The following GKN1 variants were observed in gnomAD, a reference collection of about 807,000 sequenced individuals.
GKN1 encodes gastrokine-1.
A neutral mutation model predicts 19.7 loss-of-function variants in GKN1; 17 were observed. The observed-to-expected ratio is 0.86, with a 90% CI of 0.59 to 1.29. The LOEUF (loss-of-function observed/expected upper bound fraction) is 1.29. Ranked by LOEUF, GKN1 falls within the 50% of genes most tolerant of loss-of-function variation. GKN1 has a pLI of 0.00. For synonymous variants in GKN1, 96 were observed against 78.3 expected (o/e 1.23, Z -1.20); for missense variants, 218 against 224.5 (o/e 0.97, Z 0.19).
intron 3 of GKN1, among the ~76,000 whole-genome samples, chr2:68,978,470 A>G (rs1670310788): frequency 6.6e-6 from 1 of 152,170 alleles, no homozygotes; most frequent in Non-Finnish European, 1.5e-5. Context: ...ATACTTTTAA[A>G]TAGCAAACTC....
intron 5 of GKN1, 22 bp downstream of exon 5, chr2:68,980,082 C>A (rs748844825): frequency 6.2e-7 from 1 of 1,605,698 alleles, no homozygotes; most frequent in South Asian, 1.1e-5. Context: ...CCCTACTGTG[C>A]ACCCCAAGTT....
intron 5 of GKN1, 107 bp from the exon 6 acceptor site, chr2:68,980,622 T>A: frequency 1.5e-6 from 1 of 659,848 alleles, no homozygotes; most frequent in Non-Finnish European, 2.7e-6. Flanking sequence ...AGATAAACCT[T>A]GACATTAGCA....
Position 68,980,892 on chromosome 2 carries a change from T to C in GKN1, c.*69T>C. On this transcript the variant is annotated 3_prime_UTR_variant, in exon 6 of 6. Coordinates refer to ENST00000377938, the MANE Select transcript of GKN1 (RefSeq NM_019617.4). ...TGTGCAGAAAAAATATGGGCTCCAG[T>C]GGTTTTTACCATGTCATTCTGAAAT... 1.3e-6 allele frequency: 1 copy of C among 779,222 alleles called. No individual in the cohort carries two copies. Among genetic ancestry groups the C allele is most frequent in the South Asian group, 1.4e-5 (1 of 69,670 alleles). The allele number at this position is 779,222 out of a possible 1,614,324, so 48.3% of individuals were successfully genotyped here.
intron 3 of GKN1, among the ~76,000 whole-genome samples, chr2:68,978,297 A>AAGGAAG (rs757172989): frequency 3.1e-5 from 3 of 97,340 alleles, no homozygotes; most frequent in African/African-American, 1.2e-4. Context: ...AGAAAGAAAG[A>AAGGAAG]GAGAGAAAGA....
At chr2:68,974,738 T>C in intron 1 of GKN1, 49 bp downstream of exon 1, 2 of 1,167,882 alleles carry the variant, frequency 1.7e-6, no homozygotes. Flanking sequence ...TTGGAGACTG[T>C]CAATATTCTG....
rs749800360 is a variant in GKN1 at position 68,974,685 on chromosome 2, T to G, written c.8T>G (p.Phe3Cys). Residue 3 changes from phenylalanine to cysteine, a missense_variant, in exon 1 of 6, where the codon TTC (phenylalanine) becomes TGC (cysteine). Coordinates refer to ENST00000377938, the MANE Select transcript of GKN1 (RefSeq NM_019617.4). The stretch of plus-strand genomic sequence containing the variant: ...TGCTTTCGTGAAGACAAGATGAAGT[T>G]CACAGTGAGTAGATTTTTCCTTTTG... MK[F>C]TIVFAGLLGV... is the part of the protein sequence containing the mutation. The G allele has an allele frequency of 6.3e-7, 1 of 1,581,366 alleles. No individual in the cohort carries two copies. Among genetic ancestry groups the G allele is most frequent in the East Asian group, 2.2e-5 (1 of 44,746 alleles).
intron 1 of GKN1, among the ~76,000 whole-genome samples, chr2:68,974,951 T>A (rs1558714233): frequency 6.6e-6 from 1 of 152,040 alleles, no homozygotes. Flanking sequence ...GTAACAAACC[T>A]GCACGTTCTG....
Position 68,977,510 on chromosome 2 carries a change from C to A in GKN1, c.28C>A (p.Leu10Ile), listed in dbSNP as rs748218048. The change falls in exon 2 of 6, where the codon CTT becomes ATT. Residue 10 changes from leucine (L) to isoleucine (I), a missense_variant. Transcript: ENST00000377938. MKFTIVFAG[L>I]LGVFLAPALA... ...GTGATTTCAGATTGTCTTTGCTGGA[C>A]TTCTTGGAGTCTTTCTAGCTCCTGC... 9 of 1,609,840 alleles carry A rather than the reference C, an allele frequency of 5.6e-6. No homozygotes were observed. In the South Asian group the frequency reaches 9.9e-5, roughly 18 times the overall value.
At position 68,974,965 on chromosome 2, in the gene GKN1, A is replaced by G. The variant is rs142896934; in HGVS notation, c.12+276A>G. ...TGTAACAAACCTGCACGTTCTGCAC[A>G]TGTATCCCTTTTTTTTAGAAGAAGA... On this transcript the variant is annotated intron_variant, in intron 1 of 5. Transcript: ENST00000377938. 2.1e-3 allele frequency among the ~76,000 whole-genome samples: 325 copies of G among 151,846 alleles called. 1 individual carries two copies. The highest frequency in any genetic ancestry group is 7.0e-3 in the African/African-American group (290 of 41,534).
chr2:68,978,645 TA>T (rs1670313392), intron 3 of GKN1, among the ~76,000 whole-genome samples: 1 of 152,230 alleles, frequency 6.6e-6, no homozygotes, highest in South Asian at 2.1e-4. Context: ...AACCTGGAAA[TA>T]AAGCAAACCA....
chr2:68,976,698 A>T (rs564970230), intron 1 of GKN1, among the ~76,000 whole-genome samples: 6 of 152,312 alleles, frequency 3.9e-5, no homozygotes, highest in Non-Finnish European at 5.9e-5. Flanking sequence ...CTTTTACTAG[A>T]TTTAAATAAT....
chr2:68,978,034 T>A (rs1460317732), intron 3 of GKN1: 2 of 444,148 alleles, frequency 4.5e-6, no homozygotes, highest in Non-Finnish European at 8.2e-6. Flanking sequence ...ACAACAAATA[T>A]GAACATCCTT....
chr2:68,978,699 C>T (rs1273498274), intron 3 of GKN1, among the ~76,000 whole-genome samples, 172 bp from the exon 4 acceptor site: 2 of 152,132 alleles, frequency 1.3e-5, no homozygotes, highest in African/African-American at 4.8e-5. Flanking sequence ...GCAGTCTGTC[C>T]TCACAAATGT....
chr2:68,975,126 TC>T (rs1220199821), intron 1 of GKN1, among the ~76,000 whole-genome samples: 6 of 152,152 alleles, frequency 3.9e-5, no homozygotes, highest in African/African-American at 1.4e-4. Flanking sequence ...AAAATGACTT[TC>T]CGCATCACCT....
intron 1 of GKN1, among the ~76,000 whole-genome samples, chr2:68,976,310 C>CT (rs1054654774): frequency 1.5e-4 from 22 of 151,492 alleles, no homozygotes; most frequent in Middle Eastern, 3.4e-3. Context: ...TGTAAAACTT[C>CT]TTTTTTTTTC....
intron 4 of GKN1, 129 bp from the exon 5 acceptor site, chr2:68,979,784 T>C: frequency 1.4e-6 from 1 of 690,236 alleles, no homozygotes. Context: ...CTTCTTCATC[T>C]TGATTATGGA....
chr2:68,975,048 T>A (rs949138147), intron 1 of GKN1, among the ~76,000 whole-genome samples: 2 of 152,136 alleles, frequency 1.3e-5, no homozygotes, highest in African/African-American at 4.8e-5. Context: ...TAAGCATCTC[T>A]ATAGAGAAGG....
At chr2:68,978,271 G>GGAGGGAGGGAAAGAGAGAGA (rs1670300261) in intron 3 of GKN1, among the ~76,000 whole-genome samples, 1 of 87,228 alleles carries the variant, frequency 1.1e-5, no homozygotes, top group African/African-American at 6.4e-5. Context: ...AAGGAAGGAA[G>GGAGGGAGGGAAAGAGAGAGA]GAAAGAAAGA....
At chr2:68,974,940 T>C (rs896850673) in intron 1 of GKN1, among the ~76,000 whole-genome samples, 1 of 152,100 alleles carries the variant, frequency 6.6e-6, no homozygotes, top group African/African-American at 2.4e-5. Flanking sequence ...CATATACCTA[T>C]GTAACAAACC....
Sources: gnomAD v4.1 joint callset for allele counts (sites outside exome capture counted in the v4.1 genomes callset) on GRCh38, gnomAD v4.1.1 for gene constraint, MANE v1.5 for transcripts, NCBI Gene and HGNC (gene_info 2026-07-23, HGNC 2026-07-21) for gene names.